Variants in CR1L observed in about 807,000 individuals in gnomAD.
CR1L encodes the protein complement C3b/C4b receptor 1 like, also known as complement component receptor 1-like protein.
CR1L carries 59 observed loss-of-function variants against 62.3 expected under a neutral mutation model. The ratio of observed to expected loss-of-function variants is 0.95; its 90% CI spans 0.77 to 1.18. The LOEUF (loss-of-function observed/expected upper bound fraction) is 1.18, where lower values mean the gene tolerates loss of function less well. Among genes scored for constraint, CR1L ranks in the 50% most tolerant of loss-of-function variants. The pLI is 0.00. For missense variants in CR1L, 700 were observed against 702.8 expected (o/e 1.00, Z 0.04); for synonymous variants, 279 against 248.7 (o/e 1.12, Z -1.15).
chr1:207,661,546 C>T (rs1416291312), intron 1 of CR1L, among the ~76,000 whole-genome samples: 1 of 152,168 alleles, frequency 6.6e-6, no homozygotes, highest in East Asian at 1.9e-4. Flanking sequence ...TGTCTCTGCA[C>T]ATGAGATGGG....
At chr1:207,684,467 G>C (rs11577114) in intron 4 of CR1L, among the ~76,000 whole-genome samples, 5,854 of 152,156 alleles carry the variant, frequency 0.038, 182 homozygotes, top group South Asian at 0.12. Flanking sequence ...AAGCAGTTTG[G>C]TATAAACTTT....
intron 9 of CR1L, among the ~76,000 whole-genome samples, chr1:207,705,233 G>A (rs1279669643): frequency 6.6e-6 from 1 of 152,144 alleles, no homozygotes; most frequent in Non-Finnish European, 1.5e-5. Context: ...ATTGGATTAG[G>A]GCCTACCTTA....
At chr1:207,645,371 A>C in intron 1 of CR1L, 41 bp downstream of exon 1, 1 of 1,605,578 alleles carries the variant, frequency 6.2e-7, no homozygotes, top group South Asian at 1.1e-5. Flanking sequence ...CGGCGAGGCT[A>C]GAGCTCTGCT....
intron 1 of CR1L, among the ~76,000 whole-genome samples, chr1:207,652,070 A>G (rs57587123): frequency 0.063 from 9,520 of 152,174 alleles, 618 homozygotes; most frequent in East Asian, 0.36. Context: ...AGTGTAGTAG[A>G]AAAAGAAGAA....
chr1:207,678,568 T>G (rs985547455), intron 3 of CR1L, among the ~76,000 whole-genome samples: 6 of 151,712 alleles, frequency 4.0e-5, no homozygotes, highest in Admixed American at 3.9e-4. Context: ...GGGGGAAGAG[T>G]ATAGTCAAAG....
At chr1:207,675,189 A>C (rs1468854119) in intron 1 of CR1L, among the ~76,000 whole-genome samples, 1 of 152,226 alleles carries the variant, frequency 6.6e-6, no homozygotes, top group Non-Finnish European at 1.5e-5. Flanking sequence ...GATACTTCTA[A>C]AAGCACACAA....
At chr1:207,667,507 C>G (rs1469202581) in intron 1 of CR1L, among the ~76,000 whole-genome samples, 1 of 152,356 alleles carries the variant, frequency 6.6e-6, no homozygotes, top group East Asian at 1.9e-4. Flanking sequence ...CCAAGATACT[C>G]TTTCCATCTC....
At chr1:207,663,348 C>T (rs143815177) in intron 1 of CR1L, among the ~76,000 whole-genome samples, 4,790 of 152,272 alleles carry the variant, frequency 0.031, 258 homozygotes, top group African/African-American at 0.11. Flanking sequence ...CAATGGTGGG[C>T]GCCCCTCCCC....
At chr1:207,707,365 C>T (rs147895269) in intron 9 of CR1L, among the ~76,000 whole-genome samples, 6 of 152,334 alleles carry the variant, frequency 3.9e-5, no homozygotes, top group African/African-American at 1.2e-4. Context: ...CAGTGGCTCA[C>T]GCCTGTAGTC....
At chr1:207,659,920 C>A (rs1248889274) in intron 1 of CR1L, among the ~76,000 whole-genome samples, 1 of 152,226 alleles carries the variant, frequency 6.6e-6, no homozygotes, top group Non-Finnish European at 1.5e-5. Context: ...AGTGTGAGAT[C>A]CACCTGGGAT....
chr1:207,678,996 CTTT>C (rs34807467), intron 3 of CR1L, among the ~76,000 whole-genome samples: 44,449 of 130,762 alleles, frequency 0.34, 7,355 homozygotes, highest in Non-Finnish European at 0.4. Flanking sequence ...GTCCAAAGTT[CTTT>C]TTTTTTTTTT....
rs1205858568 is a variant in CR1L at position 207,697,504 on chromosome 1, A to T, written c.864A>T (p.Val288=). The T allele has an allele frequency of 1.2e-6, 2 of 1,613,786 alleles. No individual in the cohort carries two copies. Among genetic ancestry groups the T allele is most frequent in the East Asian group, 4.5e-5 (2 of 44,886 alleles). ...WEPELPSCSR[V]CQPPPDVLHA... ...AGTACTTTGTTTCTCTCTCCCCAGT[A>T]TGTCAGCCACCTCCAGATGTCCTGC... The change falls in exon 6 of 12, where the codon GTA becomes GTT. Residue 288 remains valine, a splice_region_variant and synonymous_variant. Coordinates refer to ENST00000508064, the MANE Select transcript of CR1L (RefSeq NM_175710.2).
intron 10 of CR1L, chr1:207,715,324 A>G: frequency 6.3e-7 from 1 of 1,591,142 alleles, no homozygotes; most frequent in Non-Finnish European, 8.6e-7. Context: ...TCTGATTAAA[A>G]GGCAGGTCTG....
At chr1:207,719,260 T>A (rs1286151131) in intron 11 of CR1L, among the ~76,000 whole-genome samples, 5 of 135,376 alleles carry the variant, frequency 3.7e-5, no homozygotes, top group Admixed American at 7.4e-5. Context: ...AAGTATAATT[T>A]AAAAAAAAAA....
intron 1 of CR1L, among the ~76,000 whole-genome samples, chr1:207,646,955 G>C (rs866927995): frequency 6.6e-5 from 10 of 152,168 alleles, no homozygotes; most frequent in African/African-American, 2.4e-4. Context: ...TGTATGTCTG[G>C]TGCTGTTACA....
intron 1 of CR1L, among the ~76,000 whole-genome samples, chr1:207,673,393 G>A (rs972709293): frequency 2.0e-5 from 3 of 152,274 alleles, no homozygotes; most frequent in South Asian, 2.1e-4. Flanking sequence ...TGACAGACAT[G>A]CCTAAGCAAA....
chr1:207,711,070 T>C (rs1454506002), intron 10 of CR1L, among the ~76,000 whole-genome samples: 1 of 152,222 alleles, frequency 6.6e-6, no homozygotes. Flanking sequence ...CTCAATTATA[T>C]TGAAAAATTA....
At chr1:207,708,330 A>G (rs1664303078) in intron 10 of CR1L, 67 bp downstream of exon 10, 11 of 1,568,544 alleles carry the variant, frequency 7.0e-6, no homozygotes, top group African/African-American at 1.4e-5. Flanking sequence ...CTAGAATTAC[A>G]AAGAATGAAT....
At chr1:207,645,915 T>C (rs1290676802) in intron 1 of CR1L, among the ~76,000 whole-genome samples, 2 of 152,188 alleles carry the variant, frequency 1.3e-5, no homozygotes, top group Non-Finnish European at 2.9e-5. Flanking sequence ...TGTGCGGAGT[T>C]CACTGTGGGC....
Sources: allele counts gnomAD v4.1 joint callset (sites outside exome capture counted in the v4.1 genomes callset), GRCh38; gene constraint gnomAD v4.1.1; transcripts MANE v1.5; gene names NCBI Gene and HGNC (gene_info 2026-07-23, HGNC 2026-07-21).